RSF1: variants seen among roughly 807,000 people sequenced by gnomAD.
RSF1 encodes the protein remodeling and spacing factor 1.
RSF1 carries 13 observed loss-of-function variants against 145.2 expected under a neutral mutation model. That is an observed-to-expected ratio of 0.09 (90% confidence interval 0.06 to 0.14). RSF1 has a LOEUF of 0.14. RSF1 is among the 10% of genes least tolerant of loss of function. The pLI is 1.00. For synonymous variants in RSF1, 577 were observed against 592.6 expected, an observed-to-expected ratio of 0.97 and a Z score of 0.38; for missense variants, 1,517 against 1,718.2, an observed-to-expected ratio of 0.88 and a Z score of 2.07.
At chr11:77,821,427 G>A (rs1011496149), upstream of RSF1, among the ~76,000 whole-genome samples, 16 of 152,316 alleles carry the variant, frequency 1.1e-4, no homozygotes, top group South Asian at 2.3e-3. Flanking sequence ...TGTCTCTGTG[G>A]AAGTTTGCCG....
chr11:77,666,660 G>T lies in RSF1; in HGVS notation c.*257C>A. 3.3e-6 allele frequency: 1 copy of T among 303,102 alleles called. No homozygotes were observed. Among genetic ancestry groups the T allele is most frequent in the African/African-American group, 2.2e-5 (1 of 46,420 alleles). The allele number at this position is 303,102 out of a possible 1,614,324, so 18.8% of individuals were successfully genotyped here. On this transcript the variant is annotated 3_prime_UTR_variant, in exon 16 of 16. Coordinates refer to ENST00000308488, the MANE Select transcript of RSF1 (RefSeq NM_016578.4). ...CAAATCTTTGTTGTTATTATAATAA[G>T]ATTTTTTTCCATGAATGAAATTACC...
At chr11:77,864,766 C>T in the RSF1 span, among the ~76,000 whole-genome samples, 5 of 152,010 alleles carry the variant, frequency 3.3e-5, no homozygotes, top group Admixed American at 3.3e-4. Context: ...ATTGTTTGAG[C>T]CTAGGAGTTC....
chr11:77,833,300 G>A, the RSF1 span, among the ~76,000 whole-genome samples: 2 of 151,944 alleles, frequency 1.3e-5, no homozygotes, highest in Non-Finnish European at 2.9e-5. Context: ...GAATCAGTGG[G>A]AGCCCTGAGC....
intron 1 of RSF1, among the ~76,000 whole-genome samples, chr11:77,804,768 T>A (rs559858940): frequency 6.6e-6 from 1 of 152,314 alleles, no homozygotes; most frequent in South Asian, 2.1e-4. Context: ...AGGTCAAGGC[T>A]GCAGTAAGCC....
chr11:77,680,093 T>C (rs1959816989), intron 11 of RSF1, among the ~76,000 whole-genome samples: 1 of 151,824 alleles, frequency 6.6e-6, no homozygotes, highest in African/African-American at 2.4e-5. Context: ...ATCACCAGAG[T>C]ATATTATATT....
the RSF1 span, chr11:77,829,671 ATCTT>A: frequency 6.6e-6 from 1 of 152,216 alleles, no homozygotes; most frequent in African/African-American, 2.4e-5. Context: ...ACAAGGGTAA[ATCTT>A]TAAGACCTTG....
the RSF1 span, chr11:77,840,874 T>G: frequency 3.8e-6 from 1 of 263,878 alleles, no homozygotes; most frequent in Non-Finnish European, 7.2e-6. Flanking sequence ...TGTTCTTCTG[T>G]TTATTTGTGT....
intron 2 of RSF1, 70 bp from the exon 3 acceptor site, chr11:77,747,198 A>ATGC: frequency 1.0e-6 from 1 of 953,070 alleles, no homozygotes; most frequent in South Asian, 1.4e-5. Context: ...TTGTACAACT[A>ATGC]TGCTGTTCTT....
intron 1 of RSF1, among the ~76,000 whole-genome samples, chr11:77,816,433 T>A (rs1027773925): frequency 3.3e-5 from 5 of 152,246 alleles, no homozygotes; most frequent in African/African-American, 2.4e-5. Context: ...GGCATTTTTT[T>A]AACTTTGATA....
the RSF1 span, among the ~76,000 whole-genome samples, chr11:77,827,497 A>G: frequency 6.6e-6 from 1 of 152,232 alleles, no homozygotes; most frequent in Non-Finnish European, 1.5e-5. Flanking sequence ...AAAAATCAAT[A>G]TATTGTAATA....
At chr11:77,736,864 T>C (rs1163327290) in intron 4 of RSF1, among the ~76,000 whole-genome samples, 1 of 152,198 alleles carries the variant, frequency 6.6e-6, no homozygotes, top group Non-Finnish European at 1.5e-5. Context: ...ACATCACCAA[T>C]TGTTTAGCAT....
the RSF1 span, chr11:77,869,668 T>A: frequency 6.6e-7 from 1 of 1,505,042 alleles, no homozygotes; most frequent in Non-Finnish European, 9.2e-7. Flanking sequence ...AGAATGCCTA[T>A]TGCAATGAAA....
At chr11:77,678,342 G>A (rs1329313773) in intron 11 of RSF1, among the ~76,000 whole-genome samples, 189 bp from the exon 12 acceptor site, 1 of 151,828 alleles carries the variant, frequency 6.6e-6, no homozygotes, top group Non-Finnish European at 1.5e-5. Flanking sequence ...TCAGCCTCCC[G>A]AGTAGCTGGG....
intron 5 of RSF1, among the ~76,000 whole-genome samples, chr11:77,715,039 G>C (rs769747172): frequency 2.6e-5 from 4 of 152,220 alleles, no homozygotes; most frequent in Non-Finnish European, 4.4e-5. Context: ...TAGGAGGATT[G>C]CTGGAGCCCA....
chr11:77,754,641 T>A (rs1325503356), intron 2 of RSF1, among the ~76,000 whole-genome samples: 1 of 99,604 alleles, frequency 1.0e-5, no homozygotes, highest in African/African-American at 4.1e-5. Context: ...GGGGTGGGGG[T>A]GAGGGGGTGG....
At chr11:77,815,016 A>C (rs533598119) in intron 1 of RSF1, among the ~76,000 whole-genome samples, 3 of 152,358 alleles carry the variant, frequency 2.0e-5, no homozygotes, top group East Asian at 1.9e-4. Flanking sequence ...AAAATGGAAG[A>C]AGCAGCCCCT....
chr11:77,721,293 C>T (rs142808599), intron 5 of RSF1, among the ~76,000 whole-genome samples: 5 of 152,282 alleles, frequency 3.3e-5, no homozygotes, highest in African/African-American at 1.2e-4. Context: ...CCCTGATCCC[C>T]CAACACAGCC....
At chr11:77,695,212 A>C (rs186779334) in intron 7 of RSF1, among the ~76,000 whole-genome samples, 1 of 152,148 alleles carries the variant, frequency 6.6e-6, no homozygotes, top group Non-Finnish European at 1.5e-5. Flanking sequence ...ATAAATCAAT[A>C]AATACCTTGG....
chr11:77,811,329 A>G (rs183371584), intron 1 of RSF1, among the ~76,000 whole-genome samples: 2 of 152,356 alleles, frequency 1.3e-5, no homozygotes, highest in African/African-American at 4.8e-5. Flanking sequence ...CATTTACTAC[A>G]TATTTGCTAT....
Sources: gnomAD v4.1 joint callset for allele counts (sites outside exome capture counted in the v4.1 genomes callset) on GRCh38, gnomAD v4.1.1 for gene constraint, MANE v1.5 for transcripts, NCBI Gene and HGNC (gene_info 2026-07-23, HGNC 2026-07-21) for gene names.